The following NALF1 variants were observed in gnomAD, a reference collection of about 807,000 sequenced individuals.
NALF1 encodes the protein NALCN channel auxiliary factor 1, also known as family with sequence similarity 155 member A.
Under a neutral mutation model 48.4 loss-of-function variants are expected in NALF1, and 3 were observed. The ratio of observed to expected loss-of-function variants is 0.06; its 90% CI spans 0.03 to 0.16. The LOEUF (loss-of-function observed/expected upper bound fraction) is 0.16. Ranked by LOEUF, NALF1 falls within the 10% of genes least tolerant of loss-of-function variation. The probability of loss-of-function intolerance (pLI) is 1.00; values close to 1 mark genes in which losing one functional copy is unlikely to be tolerated. For synonymous variants in NALF1, 262 were observed against 245.7 expected (o/e 1.07, Z -0.62); for missense variants, 526 against 571.5 (o/e 0.92, Z 0.81).
intron 1 of NALF1, among the ~76,000 whole-genome samples, chr13:107,325,889 C>CATAT (rs71286085): frequency 6.3e-5 from 5 of 78,950 alleles, no homozygotes; most frequent in Admixed American, 2.9e-4. Flanking sequence ...TATATATATA[C>CATAT]ACACACACAC....
At chr13:107,863,745 T>A (rs1037966475) in intron 1 of NALF1, among the ~76,000 whole-genome samples, 1 of 152,198 alleles carries the variant, frequency 6.6e-6, no homozygotes. Context: ...ATCGCTATGA[T>A]TATGTAAATG....
chr13:107,328,619 G>T (rs1219742563), intron 1 of NALF1, among the ~76,000 whole-genome samples: 1 of 152,154 alleles, frequency 6.6e-6, no homozygotes, highest in African/African-American at 2.4e-5. Flanking sequence ...TGAAGAAACA[G>T]AATGAATTTC....
chr13:107,449,186 G>A (rs1419775839), intron 1 of NALF1, among the ~76,000 whole-genome samples: 3 of 152,166 alleles, frequency 2.0e-5, no homozygotes, highest in Non-Finnish European at 4.4e-5. Context: ...GGAGGTTGCA[G>A]TGAGCTGAGA....
chr13:107,745,091 A>C (rs1043858218), intron 1 of NALF1, among the ~76,000 whole-genome samples: 4 of 152,252 alleles, frequency 2.6e-5, no homozygotes, highest in African/African-American at 9.6e-5. Context: ...ATTCCAGTCC[A>C]CGGTGAGGAA....
At chr13:107,758,966 A>G (rs1024879068) in intron 1 of NALF1, among the ~76,000 whole-genome samples, 7 of 152,174 alleles carry the variant, frequency 4.6e-5, no homozygotes, top group Admixed American at 3.3e-4. Context: ...CTAAGCTGAA[A>G]GAGTGTGAGG....
chr13:107,840,965 C>G (rs549650397), intron 1 of NALF1, among the ~76,000 whole-genome samples: 2 of 152,022 alleles, frequency 1.3e-5, no homozygotes, highest in Non-Finnish European at 2.9e-5. Flanking sequence ...TTGACCTTTC[C>G]TAGTGATCCC....
chr13:107,801,299 A>T (rs1481793751), intron 1 of NALF1, among the ~76,000 whole-genome samples: 1 of 152,220 alleles, frequency 6.6e-6, no homozygotes, highest in Non-Finnish European at 1.5e-5. Context: ...ACCCATGCAT[A>T]GAAAGCATAG....
At chr13:107,407,708 A>T (rs1161708367) in intron 1 of NALF1, among the ~76,000 whole-genome samples, 1 of 152,048 alleles carries the variant, frequency 6.6e-6, no homozygotes, top group African/African-American at 2.4e-5. Context: ...TAAAAAACTA[A>T]ATCTAGAGCT....
chr13:107,502,495 A>G (rs1483370079), intron 1 of NALF1, among the ~76,000 whole-genome samples: 3 of 152,202 alleles, frequency 2.0e-5, no homozygotes, highest in African/African-American at 4.8e-5. Context: ...GATGGCCTTG[A>G]TGAGAATATA....
At chr13:107,819,683 T>TTC (rs35254661) in intron 1 of NALF1, among the ~76,000 whole-genome samples, 40,480 of 135,674 alleles carry the variant, frequency 0.3, 6,370 homozygotes, top group Non-Finnish European at 0.35. Context: ...CAGCTGGAAA[T>TTC]TCTCTCTCTC....
chr13:107,686,236 G>T (rs549841722), intron 1 of NALF1, among the ~76,000 whole-genome samples: 1 of 152,274 alleles, frequency 6.6e-6, no homozygotes, highest in African/African-American at 2.4e-5. Context: ...TGGGTGACAG[G>T]TTTCAGATGA....
At chr13:107,665,290 G>A (rs1195292614) in intron 1 of NALF1, among the ~76,000 whole-genome samples, 1 of 152,114 alleles carries the variant, frequency 6.6e-6, no homozygotes, top group East Asian at 1.9e-4. Flanking sequence ...CAGCCAATGA[G>A]ATTTATCATT....
chr13:107,561,594 C>T (rs1189663294), intron 1 of NALF1, among the ~76,000 whole-genome samples: 1 of 152,172 alleles, frequency 6.6e-6, no homozygotes, highest in African/African-American at 2.4e-5. Flanking sequence ...TGCCCTTTAA[C>T]TAATAAGGAA....
chr13:107,387,997 T>G (rs1883559409), intron 1 of NALF1, among the ~76,000 whole-genome samples: 1 of 152,214 alleles, frequency 6.6e-6, no homozygotes, highest in African/African-American at 2.4e-5. Flanking sequence ...TGTACACCTG[T>G]GTAGCGGAAC....
chr13:107,475,422 TC>T (rs1012590538), intron 1 of NALF1, among the ~76,000 whole-genome samples: 34 of 152,214 alleles, frequency 2.2e-4, no homozygotes, highest in Non-Finnish European at 3.8e-4. Flanking sequence ...AACTTAGATG[TC>T]ATTTATCCAC....
intron 1 of NALF1, among the ~76,000 whole-genome samples, chr13:107,313,040 C>T (rs557377964): frequency 1.2e-4 from 19 of 152,162 alleles, no homozygotes; most frequent in Admixed American, 6.6e-4. Flanking sequence ...AAGTAGTTCT[C>T]TTGGAAATTT....
intron 1 of NALF1, among the ~76,000 whole-genome samples, chr13:107,330,398 A>T (rs1333742427): frequency 6.6e-6 from 1 of 152,220 alleles, no homozygotes; most frequent in Admixed American, 6.5e-5. Flanking sequence ...TTCGATCTGT[A>T]TTCCTGGTCT....
chr13:107,811,454 C>G (rs796116297), intron 1 of NALF1, among the ~76,000 whole-genome samples: 4 of 152,276 alleles, frequency 2.6e-5, no homozygotes, highest in African/African-American at 9.6e-5. Flanking sequence ...AGTTCTATAT[C>G]TTACATTGAT....
At position 107,166,533 on chromosome 13, in the gene NALF1, A is replaced by G. The variant is rs1415871204; in HGVS notation, c.*3964T>C. On this transcript the variant is annotated 3_prime_UTR_variant, in exon 3 of 3. Transcript: ENST00000375915. Reference sequence around the variant, plus strand: ...TGATTTAATGCTTTGAGTAGCAGGAAAATTGTAAATGTCTTTGTTACTGAG... The same window carrying G: ...TGATTTAATGCTTTGAGTAGCAGGAGAATTGTAAATGTCTTTGTTACTGAG... The G allele has an allele frequency of 6.6e-6, 1 of 152,216 alleles. No homozygotes were observed. Among genetic ancestry groups the G allele is most frequent in the Admixed American group, 6.5e-5 (1 of 15,282 alleles). The allele number at this position is 152,216 out of a possible 1,614,324, so 9.4% of individuals were successfully genotyped here.
Sources: allele counts gnomAD v4.1 joint callset (sites outside exome capture counted in the v4.1 genomes callset), GRCh38; gene constraint gnomAD v4.1.1; transcripts MANE v1.5; gene names NCBI Gene and HGNC (gene_info 2026-07-23, HGNC 2026-07-21).